The following HAUS6 variants were observed in gnomAD, a reference collection of about 807,000 sequenced individuals.
HAUS6 encodes the protein HAUS augmin-like complex subunit 6.
HAUS6 carries 80 observed loss-of-function variants against 106.8 expected under a neutral mutation model. The ratio of observed to expected loss-of-function variants is 0.75; its 90% CI spans 0.63 to 0.90. HAUS6 has a LOEUF of 0.90. HAUS6 is among the 40% of genes least tolerant of loss of function. The pLI, the probability that HAUS6 is intolerant of heterozygous loss-of-function variation, is 0.00. For synonymous variants in HAUS6, 356 were observed against 379.1 expected (o/e 0.94, Z 0.71); for missense variants, 1,155 against 1,118.1 (o/e 1.03, Z -0.47).
intron 1 of HAUS6, among the ~76,000 whole-genome samples, chr9:19,100,041 A>C (rs944022964): frequency 3.3e-5 from 5 of 152,152 alleles, no homozygotes; most frequent in African/African-American, 1.2e-4. Context: ...AAAAATACAA[A>C]AAAATTAGCC....
chr9:19,078,735 C>A (rs1453879763), intron 9 of HAUS6, among the ~76,000 whole-genome samples: 2 of 151,494 alleles, frequency 1.3e-5, no homozygotes, highest in Non-Finnish European at 2.9e-5. Flanking sequence ...TTGCAGTGAG[C>A]CGAGATCGTG....
At chr9:19,084,221 T>C (rs962909901) in intron 7 of HAUS6, among the ~76,000 whole-genome samples, 1 of 152,162 alleles carries the variant, frequency 6.6e-6, no homozygotes, top group Non-Finnish European at 1.5e-5. Flanking sequence ...CACAACAGCA[T>C]GGATAAATAT....
chr9:19,061,486 A>G (rs1260172611), intron 14 of HAUS6, among the ~76,000 whole-genome samples: 1 of 152,168 alleles, frequency 6.6e-6, no homozygotes, highest in Admixed American at 6.5e-5. Flanking sequence ...AACTTTAGAG[A>G]TTTAAAAGTA....
At chr9:19,099,061 T>C (rs1223920825) in intron 1 of HAUS6, among the ~76,000 whole-genome samples, 2 of 148,604 alleles carry the variant, frequency 1.3e-5, no homozygotes, top group Non-Finnish European at 3.0e-5. Flanking sequence ...GTCATACCAC[T>C]ACAGGGTCAT....
chr9:19,096,850 G>T, intron 1 of HAUS6, 81 bp from the exon 2 acceptor site: 1 of 620,010 alleles, frequency 1.6e-6, no homozygotes, highest in Non-Finnish European at 2.8e-6. Flanking sequence ...GTAAGACTTT[G>T]ACACAAATTA....
intron 4 of HAUS6, among the ~76,000 whole-genome samples, chr9:19,090,645 G>A (rs1447459585): frequency 1.3e-5 from 2 of 152,164 alleles, no homozygotes; most frequent in African/African-American, 2.4e-5. Context: ...TTATAGGCGT[G>A]AGCCACCTCG....
chr9:19,063,237 G>T lies in HAUS6; in HGVS notation c.1444-44C>A, dbSNP rs1029568469. ...TAATGTTAAACCCTTAATAATCATG[G>T]CTGATCCTGAAGCTGTCTTCATTAG... On this transcript the variant is annotated intron_variant, in intron 13 of 16. Transcript: ENST00000380502. 11 of 1,280,556 alleles carry T rather than the reference G, an allele frequency of 8.6e-6. No individual in the cohort carries two copies. In the Admixed American group the frequency reaches 1.2e-4, roughly 13 times the overall value. 79.3% of individuals were successfully genotyped at this position (1,280,556 alleles called of 1,614,324 possible).
Position 19,058,483 on chromosome 9 carries a change from C to T in HAUS6, c.2284G>A (p.Gly762Arg), listed in dbSNP as rs769550922. 2.5e-6 allele frequency: 4 copies of T among 1,586,522 alleles called. No individual in the cohort carries two copies. In the African/African-American group the frequency reaches 4.2e-5, roughly 17 times the overall value. The change falls in exon 16 of 17, where the codon GGA becomes AGA. Residue 762 changes from glycine to arginine, a missense_variant. By Grantham distance (125) the Gly-to-Arg change is moderately radical (BLOSUM62 -2). Around this residue, in one of 3 missense-constraint regions of HAUS6, gnomAD observed 380 missense variants for 394.8 expected, o/e 0.96. Coordinates refer to ENST00000380502, the MANE Select transcript of HAUS6 (RefSeq NM_017645.5). ...TCTTTAAAACTCTTAGAACTAATTC[C>T]ACTTGATATCTGAAAAGAATTCCAC... ...MLWNSFQISS[G>R]ISSKSFKDND... is the part of the protein sequence containing the mutation.
chr9:19,102,768 A>C lies in HAUS6; in HGVS notation c.-117T>G. 1 of 933,366 alleles carries C rather than the reference A, an allele frequency of 1.1e-6. No homozygotes were observed. 57.8% of individuals were successfully genotyped at this position (933,366 alleles called of 1,614,324 possible). The stretch of plus-strand genomic sequence containing the variant: ...GGTCGCGGTGGTCCTTCCATTGCCA[A>C]CGCCTGCTCCTTTCACGCCCAGAGC... On this transcript the variant is annotated 5_prime_UTR_variant, in exon 1 of 17. Transcript: ENST00000380502.
Position 19,063,493 on chromosome 9 carries a change from GA to G in HAUS6, c.1443+20del, listed in dbSNP as rs745987476. On this transcript the variant is annotated intron_variant, in intron 13 of 16. Coordinates refer to ENST00000380502, the MANE Select transcript of HAUS6 (RefSeq NM_017645.5). ...AATTTAGTATGGTCCAGAATTAATT[GA>G]GACTTATTTTAAAATATACCTTTTC... The G allele has an allele frequency of 1.3e-4, 156 of 1,238,950 alleles. No homozygotes were observed. Among genetic ancestry groups the G allele is most frequent in the Non-Finnish European group, 1.7e-4 (147 of 852,110 alleles). 76.7% of individuals were successfully genotyped at this position (1,238,950 alleles called of 1,614,324 possible).
In HAUS6 at chr9:19,082,978, A is replaced by C. The variant is rs892919315; in HGVS notation, c.765T>G (p.Val255=). 10 of 1,580,052 alleles carry C rather than the reference A, an allele frequency of 6.3e-6. No homozygotes were observed. The highest frequency in any genetic ancestry group is 1.7e-4 in the Middle Eastern group (1 of 5,954). ...LMFLEKEREV[V]SSVLSLVNQY... ...GGTTAACAAGACTAAGGACCGAACTAACAACTTCTCTCTCTTTTTCCAAAA... is the reference window on the plus strand; with the variant it reads ...GGTTAACAAGACTAAGGACCGAACTCACAACTTCTCTCTCTTTTTCCAAAA... Residue 255 remains valine, a synonymous_variant, in exon 8 of 17, where the codon GTT becomes GTG. Coordinates refer to ENST00000380502, the MANE Select transcript of HAUS6 (RefSeq NM_017645.5).
intron 2 of HAUS6, 110 bp downstream of exon 2, chr9:19,096,564 C>CAAAAAAAAAA (rs370743421): frequency 8.2e-5 from 22 of 269,412 alleles, no homozygotes; most frequent in South Asian, 1.8e-4. Flanking sequence ...GACTCCGTCT[C>CAAAAAAAAAA]AAAAAAAAAA....
At chr9:19,101,610 T>A (rs1188474724) in intron 1 of HAUS6, among the ~76,000 whole-genome samples, 1 of 151,944 alleles carries the variant, frequency 6.6e-6, no homozygotes, top group East Asian at 1.9e-4. Flanking sequence ...AGCTACTGTC[T>A]CTAAAATAAT....
intron 11 of HAUS6, among the ~76,000 whole-genome samples, chr9:19,074,433 G>C (rs1395358689): frequency 1.3e-5 from 2 of 151,892 alleles, no homozygotes; most frequent in East Asian, 3.9e-4. Context: ...CACCAGGCCT[G>C]GCTAATTTTT....
Position 19,080,466 on chromosome 9 carries a change from C to A in HAUS6, c.1064+13G>T. ...CTCCTCCCACAGTAAAATAACAGAT[C>A]TTTTTAGTGTACCTCATATGTTTCA... On this transcript the variant is annotated intron_variant, in intron 9 of 16. Coordinates refer to ENST00000380502, the MANE Select transcript of HAUS6 (RefSeq NM_017645.5). The A allele has an allele frequency of 6.4e-7, 1 of 1,567,210 alleles. No individual in the cohort carries two copies. The highest frequency in any genetic ancestry group is 1.7e-5 in the Admixed American group (1 of 59,468).
intron 14 of HAUS6, among the ~76,000 whole-genome samples, chr9:19,062,349 A>G (rs1256625856): frequency 3.9e-5 from 6 of 152,372 alleles, no homozygotes; most frequent in Non-Finnish European, 8.8e-5. Flanking sequence ...CAACACTGAC[A>G]AAAGTATTTT....
At chr9:19,080,987 G>A (rs559167337) in intron 8 of HAUS6, among the ~76,000 whole-genome samples, 1 of 152,044 alleles carries the variant, frequency 6.6e-6, no homozygotes, top group East Asian at 1.9e-4. Context: ...CAGGAGAATC[G>A]CTTGAACCCA....
intron 12 of HAUS6, among the ~76,000 whole-genome samples, chr9:19,067,900 G>C (rs994705456): frequency 3.3e-5 from 5 of 151,826 alleles, no homozygotes; most frequent in Non-Finnish European, 7.4e-5. Flanking sequence ...CACCATGTTG[G>C]TCAGGCTAGT....
intron 4 of HAUS6, among the ~76,000 whole-genome samples, chr9:19,092,319 T>G (rs552119254): frequency 1.0e-4 from 15 of 149,480 alleles, no homozygotes; most frequent in Non-Finnish European, 2.1e-4. Flanking sequence ...ACAAAAGGCC[T>G]GGTGTGGTGT....
Sources: allele counts gnomAD v4.1 joint callset (sites outside exome capture counted in the v4.1 genomes callset), GRCh38; gene constraint gnomAD v4.1.1; regional missense constraint gnomAD v4.1.1; transcripts MANE v1.5; gene names NCBI Gene and HGNC (gene_info 2026-07-23, HGNC 2026-07-21).